CYP2C18: variants seen among roughly 807,000 people sequenced by gnomAD.
CYP2C18 encodes cytochrome P450 family 2 subfamily C member 18, also known as cytochrome P450 2C18.
Under a neutral mutation model 41.3 loss-of-function variants are expected in CYP2C18, and 38 were observed. That is an observed-to-expected ratio of 0.92 (90% CI 0.71 to 1.21). The LOEUF is 1.21. Among genes scored for constraint, CYP2C18 ranks in the 50% most tolerant of loss-of-function variants. CYP2C18 has a pLI of 0.00. For synonymous variants in CYP2C18, 236 were observed against 210.0 expected, an observed-to-expected ratio of 1.12 and a Z score of -1.07; for missense variants, 635 against 591.4, an observed-to-expected ratio of 1.07 and a Z score of -0.77.
intron 6 of CYP2C18, among the ~76,000 whole-genome samples, chr10:94,723,728 G>A (rs1055536185): frequency 6.6e-6 from 1 of 151,926 alleles, no homozygotes; most frequent in Non-Finnish European, 1.5e-5. Context: ...GGGTGATGAT[G>A]GAGATATAAG....
At chr10:94,720,769 G>T (rs537584843) in intron 6 of CYP2C18, among the ~76,000 whole-genome samples, 7 of 152,238 alleles carry the variant, frequency 4.6e-5, no homozygotes, top group African/African-American at 1.7e-4. Flanking sequence ...AAGTAATAAA[G>T]CCCTGGATTT....
At chr10:94,692,096 T>C (rs1847011164) in intron 3 of CYP2C18, among the ~76,000 whole-genome samples, 1 of 152,144 alleles carries the variant, frequency 6.6e-6, no homozygotes, top group African/African-American at 2.4e-5. Flanking sequence ...GGCAATACCA[T>C]TTAGGACATA....
intron 5 of CYP2C18, among the ~76,000 whole-genome samples, chr10:94,719,187 A>G (rs916282266): frequency 1.3e-5 from 2 of 152,096 alleles, no homozygotes; most frequent in South Asian, 4.1e-4. Context: ...TAATGTATTT[A>G]TGTCTCTAAT....
intron 6 of CYP2C18, among the ~76,000 whole-genome samples, chr10:94,721,855 C>G (rs2134203440): frequency 6.6e-6 from 1 of 152,056 alleles, no homozygotes; most frequent in Non-Finnish European, 1.5e-5. Context: ...CCATAGAATA[C>G]TAGATGCAGA....
At chr10:94,715,314 G>A (rs749004870) in intron 5 of CYP2C18, among the ~76,000 whole-genome samples, 11 of 152,138 alleles carry the variant, frequency 7.2e-5, no homozygotes, top group Non-Finnish European at 1.0e-4. Flanking sequence ...TTGGCTTTGG[G>A]TTTGTCATAA....
At chr10:94,701,507 C>A (rs942054162) in intron 4 of CYP2C18, among the ~76,000 whole-genome samples, 1 of 152,074 alleles carries the variant, frequency 6.6e-6, no homozygotes, top group Non-Finnish European at 1.5e-5. Flanking sequence ...TTAGGAGATA[C>A]ACCTAATGTT....
chr10:94,731,025 A>G (rs1280790381), intron 7 of CYP2C18, among the ~76,000 whole-genome samples: 1 of 152,214 alleles, frequency 6.6e-6, no homozygotes, highest in African/African-American at 2.4e-5. Flanking sequence ...GAAATCATAG[A>G]TGACAAAAAC....
chr10:94,719,574 T>G (rs1260177029), intron 5 of CYP2C18, among the ~76,000 whole-genome samples: 2 of 151,940 alleles, frequency 1.3e-5, no homozygotes, highest in Admixed American at 6.6e-5. Flanking sequence ...GTTAATTTTT[T>G]GATTTTTATT....
Position 94,688,182 on chromosome 10 carries a change from C to A in CYP2C18, c.389C>A (p.Thr130Asn), listed in dbSNP as rs1368884949. The A allele has an allele frequency of 1.2e-6, 2 of 1,613,704 alleles. No homozygotes were observed. The highest frequency in any genetic ancestry group is 1.7e-6 in the Non-Finnish European group (2 of 1,179,792). ...WKEIRRFCLM[T>N]LRNFGMGKRS... is the part of the protein sequence containing the mutation. ...GAGATCCGGCGTTTCTGCCTCATGA[C>A]TCTGCGGAATTTTGGGATGGGGAAG... Residue 130 changes from threonine to asparagine, a missense_variant, in exon 3 of 9, where the codon ACT (threonine) becomes AAT (asparagine). Transcript: ENST00000285979.
rs1847534096 is a variant in CYP2C18, at chr10:94,715,947, C to G, written c.820-4449C>G. ...GTGTCGAGAAATTTATCCATTTCTT[C>G]TAGATTTTCTAATTTATTTGCGTAG... On this transcript the variant is annotated intron_variant, in intron 5 of 8. Transcript: ENST00000285979. 3.3e-5 allele frequency among the ~76,000 whole-genome samples: 5 copies of G among 152,118 alleles called. No homozygotes were observed. The South Asian group carries it at 1.0e-3, about 32-fold the overall frequency.
chr10:94,715,229 G>A (rs1847517571), intron 5 of CYP2C18, among the ~76,000 whole-genome samples: 1 of 152,168 alleles, frequency 6.6e-6, no homozygotes, highest in African/African-American at 2.4e-5. Context: ...GAATAGAAGT[G>A]GTGAGAGAGG....
At chr10:94,693,106 A>G (rs1457244399) in intron 3 of CYP2C18, among the ~76,000 whole-genome samples, 1 of 152,200 alleles carries the variant, frequency 6.6e-6, no homozygotes, top group Non-Finnish European at 1.5e-5. Context: ...TGGCACACGT[A>G]TACATATGTA....
chr10:94,724,010 T>C (rs1847690204), intron 6 of CYP2C18, among the ~76,000 whole-genome samples: 1 of 152,000 alleles, frequency 6.6e-6, no homozygotes, highest in Non-Finnish European at 1.5e-5. Flanking sequence ...TGATACAACA[T>C]TAATTTGATT....
intron 1 of CYP2C18, among the ~76,000 whole-genome samples, chr10:94,684,754 G>GT (rs991647494): frequency 2.0e-5 from 3 of 151,430 alleles, no homozygotes; most frequent in South Asian, 2.1e-4. Context: ...TTCTATTTTT[G>GT]TTTTTTTTAG....
chr10:94,685,874 G>T (rs1352081721), intron 1 of CYP2C18, among the ~76,000 whole-genome samples: 1 of 152,046 alleles, frequency 6.6e-6, no homozygotes, highest in Non-Finnish European at 1.5e-5. Flanking sequence ...TAGTTATTTG[G>T]GGTCTTTTGT....
intron 4 of CYP2C18, among the ~76,000 whole-genome samples, chr10:94,701,764 G>A (rs1320517587): frequency 6.6e-6 from 1 of 152,172 alleles, no homozygotes; most frequent in Non-Finnish European, 1.5e-5. Flanking sequence ...CAAGGGAAAA[G>A]CACACTAAGC....
chr10:94,688,889 G>T (rs1846946299), intron 3 of CYP2C18, among the ~76,000 whole-genome samples: 1 of 152,190 alleles, frequency 6.6e-6, no homozygotes, highest in Admixed American at 6.5e-5. Flanking sequence ...TAGTGGGAAT[G>T]ACTTCTTTAC....
Position 94,735,650 on chromosome 10 carries a change from A to G in CYP2C18, c.*206A>G. The G allele has an allele frequency of 3.4e-6, 2 of 591,214 alleles. No individual in the cohort carries two copies. Among genetic ancestry groups the G allele is most frequent in the Non-Finnish European group, 6.0e-6 (2 of 332,912 alleles). The allele number at this position is 591,214 out of a possible 1,614,324, so 36.6% of individuals were successfully genotyped here. On this transcript the variant is annotated 3_prime_UTR_variant, in exon 9 of 9. Transcript: ENST00000285979. ...TTCCTAAATATATCTGCTATTCTCCATACTCTGTATCACTTGTATTGACCA... is the reference window on the plus strand; with the variant it reads ...TTCCTAAATATATCTGCTATTCTCCGTACTCTGTATCACTTGTATTGACCA...
intron 3 of CYP2C18, among the ~76,000 whole-genome samples, chr10:94,692,161 A>T (rs1847012632): frequency 6.6e-6 from 1 of 152,226 alleles, no homozygotes. Context: ...AACAAAAGCC[A>T]AAATTGACAA....
Sources: gnomAD v4.1 joint callset for allele counts (sites outside exome capture counted in the v4.1 genomes callset) on GRCh38, gnomAD v4.1.1 for gene constraint, MANE v1.5 for transcripts, NCBI Gene and HGNC (gene_info 2026-07-23, HGNC 2026-07-21) for gene names.